Variants in ADGRL3 observed in about 807,000 individuals in gnomAD.
The protein encoded by ADGRL3 is calcium-independent alpha-latrotoxin receptor 3.
Under a neutral mutation model 153.5 loss-of-function variants are expected in ADGRL3, and 62 were observed. That is an observed-to-expected ratio of 0.40 (90% CI 0.33 to 0.50). The LOEUF (loss-of-function observed/expected upper bound fraction) is 0.50, where lower values mean the gene tolerates loss of function less well. Ranked by LOEUF, ADGRL3 falls within the 20% of genes least tolerant of loss-of-function variation. The pLI is 0.47. For missense variants in ADGRL3, 1,641 were observed against 1,859.4 expected (o/e 0.88, Z 2.16); for synonymous variants, 710 against 672.5 (o/e 1.06, Z -0.86).
At chr4:61,212,359 G>A (rs1031118047) in intron 1 of ADGRL3, among the ~76,000 whole-genome samples, 31 of 152,136 alleles carry the variant, frequency 2.0e-4, no homozygotes, top group African/African-American at 7.2e-4. Flanking sequence ...GTTTATTCAA[G>A]TAAACCTTCT....
At chr4:62,011,074 C>T (rs933786455) in intron 21 of ADGRL3, among the ~76,000 whole-genome samples, 1 of 151,970 alleles carries the variant, frequency 6.6e-6, no homozygotes, top group Non-Finnish European at 1.5e-5. Flanking sequence ...AGTTTCAGCT[C>T]CTAAACAACT....
In ADGRL3 at chr4:61,357,517, T is replaced by C. The variant is rs145284104; in HGVS notation, c.-239-25607T>C. ...ATCAGTTTACCTATTTTTACAGGTA[T>C]TTAAAATTACATAGTTGTAATATTC... is the stretch of plus-strand genomic sequence containing the variant. On this transcript the variant is annotated intron_variant, in intron 1 of 26. Transcript: ENST00000683033. Among the ~76,000 whole-genome samples, 115 of 152,280 alleles carry C rather than the reference T, an allele frequency of 7.6e-4. No individual in the cohort carries two copies. In the Middle Eastern group the frequency reaches 0.014, roughly 18 times the overall value.
chr4:61,863,152 A>T (rs1024363281), intron 9 of ADGRL3, among the ~76,000 whole-genome samples: 1 of 151,108 alleles, frequency 6.6e-6, no homozygotes, highest in Admixed American at 6.6e-5. Flanking sequence ...AATGTGCATG[A>T]TACCCTGAAG....
chr4:61,795,585 A>G (rs1043875562), intron 8 of ADGRL3, among the ~76,000 whole-genome samples: 8 of 152,216 alleles, frequency 5.3e-5, no homozygotes, highest in South Asian at 2.1e-4. Flanking sequence ...GAAATAAAAT[A>G]TATATACATA....
At chr4:61,748,062 T>C (rs1475513168) in intron 8 of ADGRL3, among the ~76,000 whole-genome samples, 8 of 151,064 alleles carry the variant, frequency 5.3e-5, no homozygotes, top group Admixed American at 2.6e-4. Context: ...TATACACCAA[T>C]AACAGACAAA....
chr4:61,269,113 C>A (rs1280853432), intron 1 of ADGRL3, among the ~76,000 whole-genome samples: 1 of 151,648 alleles, frequency 6.6e-6, no homozygotes, highest in Non-Finnish European at 1.5e-5. Context: ...GGGAGCTGCA[C>A]TGATAAGAGA....
chr4:61,740,230 A>T (rs531269595), intron 8 of ADGRL3, among the ~76,000 whole-genome samples: 1 of 152,344 alleles, frequency 6.6e-6, no homozygotes, highest in African/African-American at 2.4e-5. Flanking sequence ...ATATAAAAGT[A>T]TACCTTTATT....
chr4:61,627,481 C>T (rs1213980934), intron 5 of ADGRL3, among the ~76,000 whole-genome samples: 1 of 151,968 alleles, frequency 6.6e-6, no homozygotes, highest in Non-Finnish European at 1.5e-5. Flanking sequence ...ATTAGCTGGG[C>T]ATGGTGGCGG....
At chr4:61,561,184 C>A (rs557768052) in intron 4 of ADGRL3, among the ~76,000 whole-genome samples, 2 of 152,014 alleles carry the variant, frequency 1.3e-5, no homozygotes, top group South Asian at 4.1e-4. Flanking sequence ...ATGTTTAATA[C>A]CTTATTTGGT....
At chr4:61,420,401 C>CTTTTTTTTTTTTTTT (rs36093010) in intron 2 of ADGRL3, 1 of 82,550 alleles carries the variant, frequency 1.2e-5, no homozygotes. Context: ...CAAAGGAAAG[C>CTTTTTTTTTTTTTTT]TTTTTTTTTT....
At chr4:61,714,221 G>A (rs200790436) in intron 6 of ADGRL3, among the ~76,000 whole-genome samples, 17 of 150,736 alleles carry the variant, frequency 1.1e-4, no homozygotes, top group East Asian at 2.0e-4. Context: ...TGTAAAATAC[G>A]CACACACACA....
At chr4:61,708,250 G>T (rs2095890365) in intron 6 of ADGRL3, among the ~76,000 whole-genome samples, 1 of 152,122 alleles carries the variant, frequency 6.6e-6, no homozygotes, top group Non-Finnish European at 1.5e-5. Flanking sequence ...GAGGGATTTA[G>T]AGGCATTATA....
At chr4:61,805,430 A>G (rs2097543455) in intron 8 of ADGRL3, among the ~76,000 whole-genome samples, 1 of 152,188 alleles carries the variant, frequency 6.6e-6, no homozygotes, top group South Asian at 2.1e-4. Context: ...TCTGTCCTCT[A>G]GGGAACAAAC....
intron 13 of ADGRL3, among the ~76,000 whole-genome samples, chr4:61,914,065 A>G (rs1245550658): frequency 2.0e-5 from 3 of 152,164 alleles, no homozygotes; most frequent in Non-Finnish European, 1.5e-5. Context: ...ATTGATGAAT[A>G]AATGTTAGTA....
intron 26 of ADGRL3, among the ~76,000 whole-genome samples, chr4:62,068,661 A>G (rs887033479): frequency 6.6e-6 from 1 of 152,166 alleles, no homozygotes; most frequent in African/African-American, 2.4e-5. Context: ...TGCAAAAGCT[A>G]TCACCCATCA....
intron 9 of ADGRL3, among the ~76,000 whole-genome samples, chr4:61,833,165 C>A (rs1274772695): frequency 6.6e-6 from 1 of 151,910 alleles, no homozygotes; most frequent in South Asian, 2.1e-4. Flanking sequence ...GTGTGTATCA[C>A]GCTTTATAGG....
intron 4 of ADGRL3, among the ~76,000 whole-genome samples, chr4:61,541,410 C>T (rs1010197150): frequency 6.9e-6 from 1 of 143,894 alleles, no homozygotes; most frequent in Non-Finnish European, 1.5e-5. Context: ...ACTCTTTTAG[C>T]CAGACATTGT....
At chr4:61,560,211 T>A (rs766751374) in intron 4 of ADGRL3, among the ~76,000 whole-genome samples, 2 of 152,260 alleles carry the variant, frequency 1.3e-5, no homozygotes, top group Middle Eastern at 6.8e-3. Context: ...CTAGGGGAAC[T>A]GCTGAGTATG....
chr4:61,753,265 T>C (rs539802371), intron 8 of ADGRL3, among the ~76,000 whole-genome samples: 1 of 151,094 alleles, frequency 6.6e-6, no homozygotes, highest in Admixed American at 6.6e-5. Flanking sequence ...AAAAGATAAC[T>C]GGTTAGAACA....
Sources: gnomAD v4.1 joint callset for allele counts (sites outside exome capture counted in the v4.1 genomes callset) on GRCh38, gnomAD v4.1.1 for gene constraint, MANE v1.5 for transcripts, NCBI Gene and HGNC (gene_info 2026-07-23, HGNC 2026-07-21) for gene names.